The following PCDH15 variants were observed in gnomAD, a reference collection of about 807,000 sequenced individuals.
PCDH15 encodes the protein protocadherin-15.
Under a neutral mutation model 178.5 loss-of-function variants are expected in PCDH15, and 129 were observed. The ratio of observed to expected loss-of-function variants is 0.72; its 90% CI spans 0.63 to 0.84. The LOEUF (loss-of-function observed/expected upper bound fraction) is 0.84. Ranked by LOEUF, PCDH15 falls within the 40% of genes least tolerant of loss-of-function variation. The pLI is 0.00. For synonymous variants in PCDH15, 800 were observed against 732.0 expected (o/e 1.09, Z -1.50); for missense variants, 2,230 against 2,099.9 (o/e 1.06, Z -1.21).
intron 1 of PCDH15, among the ~76,000 whole-genome samples, chr10:55,272,452 TG>T (rs1354560668): frequency 6.6e-6 from 1 of 151,866 alleles, no homozygotes; most frequent in African/African-American, 2.4e-5. Flanking sequence ...TCACCCAGGC[TG>T]TAGTGCAGTG....
At chr10:55,509,013 A>G (rs769500905) in intron 2 of PCDH15, among the ~76,000 whole-genome samples, 3 of 151,850 alleles carry the variant, frequency 2.0e-5, no homozygotes, top group Non-Finnish European at 4.4e-5. Flanking sequence ...CTGAAAATAC[A>G]TAAAATACAC....
intron 1 of PCDH15, among the ~76,000 whole-genome samples, chr10:54,683,975 A>G (rs1295054568): frequency 6.6e-6 from 1 of 152,070 alleles, no homozygotes; most frequent in Non-Finnish European, 1.5e-5. Context: ...AGAAAAAAAT[A>G]TAGGCTTTTT....
At chr10:54,072,522 A>G (rs1027121154) in intron 17 of PCDH15, among the ~76,000 whole-genome samples, 2 of 152,160 alleles carry the variant, frequency 1.3e-5, no homozygotes, top group Admixed American at 1.3e-4. Context: ...ATTATGAATT[A>G]CGGGAAGGAG....
intron 3 of PCDH15, among the ~76,000 whole-genome samples, chr10:54,415,966 A>AT (rs1565214551): frequency 3.3e-5 from 5 of 151,672 alleles, no homozygotes; most frequent in Non-Finnish European, 5.9e-5. Flanking sequence ...TAAAAAATCG[A>AT]CTTTTTTATT....
chr10:55,169,501 C>G (rs2012419), intron 1 of PCDH15, among the ~76,000 whole-genome samples: 7 of 152,160 alleles, frequency 4.6e-5, no homozygotes, highest in Non-Finnish European at 7.4e-5. Flanking sequence ...ATACTGTGAT[C>G]TAATTGAACA....
At chr10:54,869,628 A>G (rs1953999874) in intron 3 of PCDH15, among the ~76,000 whole-genome samples, 1 of 152,218 alleles carries the variant, frequency 6.6e-6, no homozygotes, top group Non-Finnish European at 1.5e-5. Flanking sequence ...AATGAGAATA[A>G]GAATTGTATT....
intron 1 of PCDH15, among the ~76,000 whole-genome samples, chr10:55,292,293 A>G (rs2132269286): frequency 6.6e-6 from 1 of 152,332 alleles, no homozygotes; most frequent in South Asian, 2.1e-4. Context: ...AAATAGGAGA[A>G]ATTGGCCAAA....
chr10:54,573,561 T>C (rs968378196), intron 2 of PCDH15, among the ~76,000 whole-genome samples: 2 of 152,182 alleles, frequency 1.3e-5, no homozygotes, highest in African/African-American at 2.4e-5. Context: ...TTCCCAAAAA[T>C]AATTTTTAAC....
chr10:55,439,737 T>C (rs531099905), intron 2 of PCDH15, among the ~76,000 whole-genome samples: 1 of 152,066 alleles, frequency 6.6e-6, no homozygotes, highest in Non-Finnish European at 1.5e-5. Context: ...TGGTAGGTAA[T>C]AGGTGGAAGT....
At chr10:54,301,070 GA>G (rs899818876) in intron 8 of PCDH15, among the ~76,000 whole-genome samples, 34 of 152,006 alleles carry the variant, frequency 2.2e-4, no homozygotes, top group African/African-American at 8.0e-4. Flanking sequence ...CCACCGGAAG[GA>G]AGAAACTGCA....
At chr10:54,712,498 T>C (rs1371583208) in intron 1 of PCDH15, among the ~76,000 whole-genome samples, 1 of 151,736 alleles carries the variant, frequency 6.6e-6, no homozygotes, top group African/African-American at 2.4e-5. Flanking sequence ...TTTGAAAAAG[T>C]TTGAGTGCTA....
intron 2 of PCDH15, among the ~76,000 whole-genome samples, chr10:55,036,342 T>C (rs1840733511): frequency 6.6e-6 from 1 of 152,180 alleles, no homozygotes; most frequent in African/African-American, 2.4e-5. Context: ...CTGAAATAAC[T>C]ATTACACTTA....
chr10:55,593,645 T>C (rs1277214021), intron 2 of PCDH15, among the ~76,000 whole-genome samples: 1 of 151,854 alleles, frequency 6.6e-6, no homozygotes, highest in East Asian at 1.9e-4. Context: ...GCTTTTTTTT[T>C]AACAGTATAG....
At chr10:54,937,718 T>G (rs1837942806) in intron 2 of PCDH15, among the ~76,000 whole-genome samples, 2 of 152,048 alleles carry the variant, frequency 1.3e-5, no homozygotes, top group African/African-American at 4.8e-5. Flanking sequence ...TAATCACCAC[T>G]AAATTACTAC....
intron 1 of PCDH15, among the ~76,000 whole-genome samples, chr10:54,685,427 G>T (rs186296469): frequency 2.0e-4 from 30 of 152,260 alleles, no homozygotes; most frequent in African/African-American, 7.2e-4. Flanking sequence ...CAGTAGGTTT[G>T]TTTATACCAG....
chr10:53,936,169 G>A (rs1042162270), intron 25 of PCDH15, among the ~76,000 whole-genome samples: 2 of 152,130 alleles, frequency 1.3e-5, no homozygotes, highest in Non-Finnish European at 2.9e-5. Context: ...ATAAAAGAGC[G>A]TAGTGGTGAA....
Position 55,292,238 on chromosome 10 carries a change from T to C in PCDH15, c.-156+27361A>G, listed in dbSNP as rs368160141. Among the ~76,000 whole-genome samples, 46 of 152,292 alleles carry C rather than the reference T, an allele frequency of 3.0e-4. No individual in the cohort carries two copies. In the East Asian group the frequency reaches 4.8e-3, roughly 16 times the overall value. Reference sequence around the variant, plus strand: ...AATCAAAAGCAAGTTAGTTACTTCCTAGATACAATGAGGTAACAGGCATTT... The same window carrying C: ...AATCAAAAGCAAGTTAGTTACTTCCCAGATACAATGAGGTAACAGGCATTT... On this transcript the variant is annotated intron_variant, in intron 1 of 5. Transcript: ENST00000458638.
intron 18 of PCDH15, among the ~76,000 whole-genome samples, chr10:54,051,861 C>T (rs1243462865): frequency 6.6e-6 from 1 of 151,146 alleles, no homozygotes; most frequent in Non-Finnish European, 1.5e-5. Context: ...GCCCACTATG[C>T]AGCCTCAGTA....
Position 54,245,598 on chromosome 10 carries a change from A to G in PCDH15, c.877-8667T>C, listed in dbSNP as rs2055843068. Among the ~76,000 whole-genome samples the G allele has an allele frequency of 1.3e-5, 2 of 152,134 alleles. 1 individual carries two copies. Among genetic ancestry groups the G allele is most frequent in the African/African-American group, 4.8e-5 (2 of 41,452 alleles). On this transcript the variant is annotated intron_variant, in intron 8 of 37. Transcript: ENST00000644397. ...GTATTAGAAGTCAACATAGTAGAAA[A>G]TAAGGTAAATGATTACTTAAAAATA...
Sources: gnomAD v4.1 joint callset for allele counts (sites outside exome capture counted in the v4.1 genomes callset) on GRCh38, gnomAD v4.1.1 for gene constraint, MANE v1.5 for transcripts, NCBI Gene and HGNC (gene_info 2026-07-23, HGNC 2026-07-21) for gene names.